The following CRPPA variants were observed in gnomAD, a reference collection of about 807,000 sequenced individuals.
The protein encoded by CRPPA is D-ribitol-5-phosphate cytidylyltransferase.
In CRPPA, 43 loss-of-function variants were observed where a neutral mutation model predicts 52.0. That is an observed-to-expected ratio of 0.83 (90% CI 0.65 to 1.07). The LOEUF (loss-of-function observed/expected upper bound fraction) is 1.07. CRPPA is among the 50% of genes least tolerant of loss of function. CRPPA has a pLI of 0.00. For missense variants in CRPPA, 629 were observed against 551.7 expected, an observed-to-expected ratio of 1.14 and a Z score of -1.40; for synonymous variants, 250 against 203.5, an observed-to-expected ratio of 1.23 and a Z score of -1.94.
chr7:16,243,768 C>G (rs1455102483), intron 8 of CRPPA, among the ~76,000 whole-genome samples: 1 of 152,018 alleles, frequency 6.6e-6, no homozygotes, highest in Admixed American at 6.6e-5. Context: ...GAGTTTAAGA[C>G]CAGATTGGGC....
chr7:16,324,093 T>C (rs368645714), intron 3 of CRPPA, among the ~76,000 whole-genome samples: 6 of 152,312 alleles, frequency 3.9e-5, no homozygotes, highest in African/African-American at 1.4e-4. Context: ...GAAACACCTC[T>C]TATTTGTCTT....
At chr7:16,209,800 G>C (rs1334134170) in intron 9 of CRPPA, among the ~76,000 whole-genome samples, 1 of 152,000 alleles carries the variant, frequency 6.6e-6, no homozygotes, top group South Asian at 2.1e-4. Flanking sequence ...ATTTAAGTTT[G>C]GTATCTAAAA....
chr7:16,304,021 A>C (rs1428479012), intron 4 of CRPPA, among the ~76,000 whole-genome samples: 1 of 152,230 alleles, frequency 6.6e-6, no homozygotes, highest in African/African-American at 2.4e-5. Context: ...TGACATTTAG[A>C]AACAAGATGT....
intron 3 of CRPPA, among the ~76,000 whole-genome samples, chr7:16,313,547 G>A (rs183493962): frequency 1.3e-5 from 2 of 151,718 alleles, no homozygotes; most frequent in East Asian, 3.9e-4. Flanking sequence ...ATCTATTTCT[G>A]CTCCAATTTT....
At chr7:16,257,444 C>G (rs1303961638) in intron 8 of CRPPA, among the ~76,000 whole-genome samples, 1 of 152,036 alleles carries the variant, frequency 6.6e-6, no homozygotes, top group African/African-American at 2.4e-5. Flanking sequence ...ACATAAGAAG[C>G]TTGGGTTTCA....
At chr7:16,339,244 A>G (rs1386328538) in intron 3 of CRPPA, among the ~76,000 whole-genome samples, 1 of 151,648 alleles carries the variant, frequency 6.6e-6, no homozygotes, top group Non-Finnish European at 1.5e-5. Flanking sequence ...ACATTATAAG[A>G]AAAAAAAATA....
chr7:16,180,054 G>A (rs533518496), intron 9 of CRPPA, among the ~76,000 whole-genome samples: 10 of 152,014 alleles, frequency 6.6e-5, no homozygotes, highest in Non-Finnish European at 1.2e-4. Flanking sequence ...TATAAGTCAC[G>A]GAGATAAATA....
chr7:16,307,631 C>A (rs1188763390), intron 4 of CRPPA, among the ~76,000 whole-genome samples: 3 of 138,962 alleles, frequency 2.2e-5, no homozygotes, highest in Non-Finnish European at 4.5e-5. Context: ...AATGAGACTG[C>A]ACCATTGCCC....
In CRPPA at chr7:16,258,234, A is replaced by G. The variant is rs150805622; in HGVS notation, c.1119+156T>C. Among the ~76,000 whole-genome samples, 646 of 152,218 alleles carry G rather than the reference A, an allele frequency of 4.2e-3. 7 individuals carry two copies. Among genetic ancestry groups the G allele is most frequent in the Admixed American group, 0.025 (386 of 15,258 alleles). On this transcript the variant is annotated intron_variant, in intron 8 of 9. Coordinates refer to ENST00000407010, the MANE Select transcript of CRPPA (RefSeq NM_001101426.4). ...AATAATAAAGGCATTCAGTCATAGA[A>G]GTCATAGCTAGAGAGTAAGCAGAGG...
At chr7:16,414,194 T>C (rs1166305850) in intron 1 of CRPPA, among the ~76,000 whole-genome samples, 1 of 152,138 alleles carries the variant, frequency 6.6e-6, no homozygotes, top group African/African-American at 2.4e-5. Context: ...CTGCCAGACC[T>C]TGTTCAAATC....
At chr7:16,324,384 A>G (rs1785331139) in intron 3 of CRPPA, among the ~76,000 whole-genome samples, 1 of 152,242 alleles carries the variant, frequency 6.6e-6, no homozygotes, top group Non-Finnish European at 1.5e-5. Flanking sequence ...TTTGTTTTCA[A>G]CAACTACAAA....
intron 9 of CRPPA, among the ~76,000 whole-genome samples, chr7:16,109,174 T>C (rs986843469): frequency 6.6e-6 from 1 of 151,544 alleles, no homozygotes; most frequent in African/African-American, 2.4e-5. Context: ...AACAAACCTT[T>C]AGGCAGAGTA....
chr7:16,397,360 G>A (rs187496718), intron 2 of CRPPA, among the ~76,000 whole-genome samples: 14 of 152,322 alleles, frequency 9.2e-5, no homozygotes, highest in Admixed American at 4.6e-4. Flanking sequence ...ACAGGTGACT[G>A]ACGTGTGTAA....
chr7:16,216,162 A>G lies in CRPPA; in HGVS notation c.1155T>C (p.Ser385=), dbSNP rs754598412. Residue 385 remains serine (S), a synonymous_variant, in exon 9 of 10, where the codon AGT becomes AGC. Coordinates refer to ENST00000407010, the MANE Select transcript of CRPPA (RefSeq NM_001101426.4). ...HFLDFKLVPP[S]QKMENLMQIR... ...TCTGCATTAGGTTTTCCATTTTCTG[A>G]CTGGGAGGTACTAATTTAAAATCAA... 13 of 1,587,174 alleles carry G rather than the reference A, an allele frequency of 8.2e-6. No individual in the cohort carries two copies. Among genetic ancestry groups the G allele is most frequent in the Admixed American group, 1.7e-5 (1 of 58,260 alleles).
chr7:16,201,692 C>G (rs1781864052), intron 9 of CRPPA, among the ~76,000 whole-genome samples: 1 of 152,162 alleles, frequency 6.6e-6, no homozygotes. Flanking sequence ...GCTCGCTGAG[C>G]TGCAGGGCAG....
chr7:16,384,862 A>G (rs1787212759), intron 2 of CRPPA, among the ~76,000 whole-genome samples: 1 of 152,230 alleles, frequency 6.6e-6, no homozygotes, highest in African/African-American at 2.4e-5. Context: ...CCCCACCCAT[A>G]TATCAAACTT....
At chr7:16,248,819 C>A (rs1482739932) in intron 8 of CRPPA, among the ~76,000 whole-genome samples, 2 of 152,120 alleles carry the variant, frequency 1.3e-5, no homozygotes, top group African/African-American at 4.8e-5. Flanking sequence ...CCAAGGGAAG[C>A]CATGACAGAC....
chr7:16,303,499 A>AAAAAAAAAAAAAAAAAAAAAC (rs1562619571), intron 4 of CRPPA, among the ~76,000 whole-genome samples: 3 of 148,368 alleles, frequency 2.0e-5, no homozygotes, highest in African/African-American at 7.5e-5. Context: ...AAAAAAAAAA[A>AAAAAAAAAAAAAAAAAAAAAC]AAAACTTTCA....
At chr7:16,184,908 A>G (rs950457801) in intron 9 of CRPPA, among the ~76,000 whole-genome samples, 1 of 152,156 alleles carries the variant, frequency 6.6e-6, no homozygotes, top group Admixed American at 6.5e-5. Flanking sequence ...ACATCAGCTT[A>G]TTTCACCATT....
Sources: gnomAD v4.1 joint callset for allele counts (sites outside exome capture counted in the v4.1 genomes callset) on GRCh38, gnomAD v4.1.1 for gene constraint, MANE v1.5 for transcripts, NCBI Gene and HGNC (gene_info 2026-07-23, HGNC 2026-07-21) for gene names.